The following SRPK2 variants were observed in gnomAD, a reference collection of about 807,000 sequenced individuals.
SRPK2 encodes SFRS protein kinase 2.
A neutral mutation model predicts 90.8 loss-of-function variants in SRPK2; 21 were observed. The ratio of observed to expected loss-of-function variants is 0.23; its 90% confidence interval spans 0.16 to 0.33. The LOEUF (loss-of-function observed/expected upper bound fraction) is 0.33, where lower values mean the gene tolerates loss of function less well. Among genes scored for constraint, SRPK2 ranks in the 10% least tolerant of loss-of-function variants. The pLI is 1.00. For synonymous variants in SRPK2, 288 were observed against 311.1 expected, an observed-to-expected ratio of 0.93 and a Z score of 0.78; for missense variants, 620 against 869.0, an observed-to-expected ratio of 0.71 and a Z score of 3.60.
At chr7:105,300,425 C>A (rs535923146) in intron 2 of SRPK2, among the ~76,000 whole-genome samples, 1 of 152,058 alleles carries the variant, frequency 6.6e-6, no homozygotes, top group African/African-American at 2.4e-5. Flanking sequence ...TTTTCTGCCA[C>A]GACTTATGGA....
intron 2 of SRPK2, among the ~76,000 whole-genome samples, chr7:105,276,635 G>A (rs1806533659): frequency 6.6e-6 from 1 of 151,972 alleles, no homozygotes; most frequent in African/African-American, 2.4e-5. Context: ...CTACTTAGGA[G>A]GCTGAGATGG....
intron 2 of SRPK2, among the ~76,000 whole-genome samples, chr7:105,245,434 A>G (rs180928790): frequency 2.6e-5 from 4 of 152,362 alleles, no homozygotes; most frequent in African/African-American, 9.6e-5. Flanking sequence ...GAGGACCACC[A>G]GACTGTGAAC....
intron 2 of SRPK2, among the ~76,000 whole-genome samples, chr7:105,285,954 C>T (rs1033632317): frequency 1.3e-5 from 2 of 152,238 alleles, no homozygotes; most frequent in Non-Finnish European, 2.9e-5. Flanking sequence ...ACACCAGTTA[C>T]AATGTATCAG....
At chr7:105,225,114 C>T (rs1798559128) in intron 2 of SRPK2, among the ~76,000 whole-genome samples, 1 of 152,062 alleles carries the variant, frequency 6.6e-6, no homozygotes, top group Admixed American at 6.6e-5. Flanking sequence ...ATCACTTGAG[C>T]CCAGGAGGTT....
chr7:105,370,961 T>C (rs1819627379), intron 2 of SRPK2, among the ~76,000 whole-genome samples: 1 of 152,124 alleles, frequency 6.6e-6, no homozygotes, highest in African/African-American at 2.4e-5. Flanking sequence ...ACTAGAAAGA[T>C]GTCTATGTGG....
chr7:105,149,380 TGACA>T (rs1404778920), intron 7 of SRPK2, among the ~76,000 whole-genome samples: 1 of 152,170 alleles, frequency 6.6e-6, no homozygotes, highest in Non-Finnish European at 1.5e-5. Context: ...AACTTAATTA[TGACA>T]TAGATTCTAT....
intron 1 of SRPK2, among the ~76,000 whole-genome samples, chr7:105,395,910 TA>T: frequency 6.6e-6 from 1 of 152,110 alleles, no homozygotes; most frequent in East Asian, 1.9e-4. Context: ...TTTTTAAAAT[TA>T]TTTTTATTTA....
At chr7:105,307,213 C>G (rs1171420892) in intron 2 of SRPK2, among the ~76,000 whole-genome samples, 2 of 152,088 alleles carry the variant, frequency 1.3e-5, no homozygotes, top group African/African-American at 4.8e-5. Context: ...GGTACTCCTA[C>G]TACTGAAAAA....
At chr7:105,168,876 C>G (rs1187014106) in intron 4 of SRPK2, among the ~76,000 whole-genome samples, 1 of 151,232 alleles carries the variant, frequency 6.6e-6, no homozygotes, top group Non-Finnish European at 1.5e-5. Context: ...TTATGTTTGT[C>G]TGATATGGAT....
chr7:105,316,097 TC>T lies in SRPK2; in HGVS notation c.71+72550del, dbSNP rs566348148. Among the ~76,000 whole-genome samples, 248 of 149,830 alleles carry T rather than the reference TC, an allele frequency of 1.7e-3. 1 individual carries two copies. Among genetic ancestry groups the T allele is most frequent in the African/African-American group, 5.5e-3 (225 of 40,832 alleles). The stretch of plus-strand genomic sequence containing the variant: ...TGGAGTGCAATGGCGCGATCTCGGC[TC>T]ACTGCAACCTCCGCCTCCTGGGTTC... On this transcript the variant is annotated intron_variant, in intron 2 of 15. Coordinates refer to ENST00000393651, the MANE Select transcript of SRPK2 (RefSeq NM_182692.3).
chr7:105,245,034 A>AACACAAACACACACAC (rs1801428332), intron 2 of SRPK2: 3 of 522,310 alleles, frequency 5.7e-6, no homozygotes, highest in Non-Finnish European at 1.1e-5. Flanking sequence ...AAACAAAACA[A>AACACAAACACACACAC]ACACACACAC....
At chr7:105,376,846 CCCT>C (rs1285838267) in intron 2 of SRPK2, among the ~76,000 whole-genome samples, 2 of 101,518 alleles carry the variant, frequency 2.0e-5, no homozygotes, top group African/African-American at 3.8e-5. Context: ...CCCCCCACCC[CCCT>C]TTTTTTTTTA....
rs58180831 is a variant in SRPK2, at chr7:105,203,208, T to C, written c.229+420A>G. 3.2e-3 allele frequency among the ~76,000 whole-genome samples: 488 copies of C among 152,256 alleles called. 3 individuals are homozygous for C. The highest frequency in any genetic ancestry group is 0.011 in the African/African-American group (469 of 41,544). On this transcript the variant is annotated intron_variant, in intron 3 of 15. Coordinates refer to ENST00000393651, the MANE Select transcript of SRPK2 (RefSeq NM_182692.3). ...TCTCACCACATTGCCCAGGCTGGTC[T>C]TGAATTCCTGAACTCAAGCGATCTG...
chr7:105,287,075 A>C (rs1003038762), intron 2 of SRPK2, among the ~76,000 whole-genome samples: 41 of 151,084 alleles, frequency 2.7e-4, no homozygotes, highest in Admixed American at 2.5e-3. Flanking sequence ...TCCCGGCTAA[A>C]ACGGTGAAAC....
In SRPK2 at chr7:105,221,306, CT is replaced by C. The variant is rs1255955408; in HGVS notation, c.72-17522del. ...ACAGAGTAGTAGTTAAAGGCATAGT[CT>C]TAAAAGTTGAGAGCTTGGTTTAAGT... On this transcript the variant is annotated intron_variant, in intron 2 of 15. Transcript: ENST00000393651. 3.3e-5 allele frequency among the ~76,000 whole-genome samples: 5 copies of C among 152,318 alleles called. 1 individual carries two copies. The highest frequency in any genetic ancestry group is 1.2e-4 in the African/African-American group (5 of 41,574).
At chr7:105,384,902 A>T (rs1175279139) in intron 2 of SRPK2, among the ~76,000 whole-genome samples, 2 of 148,954 alleles carry the variant, frequency 1.3e-5, no homozygotes, top group Admixed American at 6.8e-5. Context: ...TTTGAGACGG[A>T]GTCTGGCTCT....
At chr7:105,157,322 G>T (rs1806651260) in intron 7 of SRPK2, among the ~76,000 whole-genome samples, 1 of 152,168 alleles carries the variant, frequency 6.6e-6, no homozygotes, top group Admixed American at 6.6e-5. Flanking sequence ...TACAGTGAAA[G>T]GATACTAAGA....
chr7:105,324,101 A>G (rs1813283760), intron 2 of SRPK2, among the ~76,000 whole-genome samples: 1 of 150,766 alleles, frequency 6.6e-6, no homozygotes, highest in African/African-American at 2.5e-5. Context: ...GGTTCAAGCG[A>G]TTCTCCTGCT....
At chr7:105,247,401 AG>A (rs1221660622) in intron 2 of SRPK2, among the ~76,000 whole-genome samples, 1 of 152,124 alleles carries the variant, frequency 6.6e-6, no homozygotes, top group Non-Finnish European at 1.5e-5. Flanking sequence ...GGTGAGGAAG[AG>A]GGGAAGAGAA....
Sources: gnomAD v4.1 joint callset for allele counts (sites outside exome capture counted in the v4.1 genomes callset) on GRCh38, gnomAD v4.1.1 for gene constraint, MANE v1.5 for transcripts, NCBI Gene and HGNC (gene_info 2026-07-23, HGNC 2026-07-21) for gene names.